The following OPALIN variants were observed in gnomAD, a reference collection of about 807,000 sequenced individuals.
OPALIN encodes the protein transmembrane protein 10.
OPALIN carries 15 observed loss-of-function variants against 17.8 expected under a neutral mutation model. The observed-to-expected ratio is 0.84, with a 90% CI of 0.56 to 1.29. OPALIN has a LOEUF of 1.29. OPALIN is among the 50% of genes most tolerant of loss of function. The probability of loss-of-function intolerance (pLI) is 0.00; values close to 1 mark genes in which losing one functional copy is unlikely to be tolerated. For missense variants in OPALIN, 170 were observed against 176.0 expected, an observed-to-expected ratio of 0.97 and a Z score of 0.19; for synonymous variants, 62 against 63.8, an observed-to-expected ratio of 0.97 and a Z score of 0.14.
chr10:96,346,203 C>T, intron 5 of OPALIN, 86 bp from the exon 6 acceptor site: 2 of 1,265,668 alleles, frequency 1.6e-6, no homozygotes, highest in Non-Finnish European at 2.2e-6. Context: ...ATTGACCCTC[C>T]CACCTGAAAT....
rs925629797 is a variant in OPALIN, at chr10:96,348,203, T to G, written c.249+86A>C. ...ATCTCTTTTCTACATGTGCTCATAC[T>G]GTGCTTCTTTTGGTGAAAGGCTTTC... On this transcript the variant is annotated intron_variant, in intron 5 of 5. Coordinates refer to ENST00000371172, the MANE Select transcript of OPALIN (RefSeq NM_033207.5). 1.6e-5 allele frequency: 10 copies of G among 634,468 alleles called. No homozygotes were observed. The East Asian group carries it at 2.6e-4, about 16-fold the overall frequency. 39.3% of individuals were successfully genotyped at this position (634,468 alleles called of 1,614,324 possible). A position where few individuals can be genotyped will look rare whatever the true frequency, so the allele number is the denominator to read the frequency against.
rs545818419 is a variant in OPALIN at position 96,348,900 on chromosome 10, C to T, written c.193-555G>A. 2.0e-4 allele frequency among the ~76,000 whole-genome samples: 30 copies of T among 152,250 alleles called. No individual in the cohort carries two copies. In the South Asian group the frequency reaches 6.2e-3, roughly 32 times the overall value. ...TGTAAAAATGTTCATCATCCATTATCTCATTTCATCCTTATAACTTTCCCT... is the reference window on the plus strand; with the variant it reads ...TGTAAAAATGTTCATCATCCATTATTTCATTTCATCCTTATAACTTTCCCT... On this transcript the variant is annotated intron_variant, in intron 4 of 5. Coordinates refer to ENST00000371172, the MANE Select transcript of OPALIN (RefSeq NM_033207.5).
intron 2 of OPALIN, among the ~76,000 whole-genome samples, chr10:96,353,174 C>A (rs112201712): frequency 1.3e-5 from 2 of 152,352 alleles, no homozygotes; most frequent in Non-Finnish European, 2.9e-5. Context: ...CACTGTGCTA[C>A]ATGGCCTCCA....
intron 1 of OPALIN, chr10:96,357,251 G>C: frequency 1.5e-6 from 1 of 670,442 alleles, no homozygotes; most frequent in Non-Finnish European, 1.8e-6. Context: ...GAGGACAGTA[G>C]AAGAGGGGGT....
chr10:96,356,606 C>A (rs1335101139), intron 1 of OPALIN, among the ~76,000 whole-genome samples: 1 of 152,180 alleles, frequency 6.6e-6, no homozygotes, highest in Non-Finnish European at 1.5e-5. Flanking sequence ...AGCAAACTGA[C>A]AAAACACCTA....
chr10:96,356,987 C>G (rs1271754493), intron 1 of OPALIN: 2 of 985,376 alleles, frequency 2.0e-6, no homozygotes, highest in Non-Finnish European at 1.2e-6. Flanking sequence ...GTGGATGAAT[C>G]AGAGCACCCA....
At chr10:96,349,879 T>C in intron 3 of OPALIN, 53 bp from the exon 4 acceptor site, 2 of 1,512,712 alleles carry the variant, frequency 1.3e-6, no homozygotes, top group Non-Finnish European at 1.8e-6. Context: ...TCTTCAATAA[T>C]AAAGGAAAAA....
At position 96,343,791 on chromosome 10, in the gene OPALIN, T is replaced by C. The variant is rs1327012899; in HGVS notation, c.*2150A>G. On this transcript the variant is annotated 3_prime_UTR_variant, in exon 6 of 6. Transcript: ENST00000371172. ...TGGCAGAGATTGGGTTCATAGAACA[T>C]GTTCTTGGTTATTCAGGGAAGAGGG... 1 of 152,204 alleles carries C rather than the reference T, an allele frequency of 6.6e-6. No homozygotes were observed. Among genetic ancestry groups the C allele is most frequent in the East Asian group, 1.9e-4 (1 of 5,192 alleles). 9.4% of individuals were successfully genotyped at this position (152,204 alleles called of 1,614,324 possible).
chr10:96,355,593 G>A (rs1845787285), intron 1 of OPALIN, among the ~76,000 whole-genome samples: 1 of 152,220 alleles, frequency 6.6e-6, no homozygotes, highest in Non-Finnish European at 1.5e-5. Context: ...CACAAGGGCA[G>A]CAAACACATG....
At chr10:96,358,196 A>G (rs1390337863) in intron 1 of OPALIN, among the ~76,000 whole-genome samples, 2 of 136,956 alleles carry the variant, frequency 1.5e-5, no homozygotes, top group Non-Finnish European at 3.0e-5. Context: ...TAAAAAAAAA[A>G]AAAAAAAAAA....
chr10:96,351,661 C>T (rs1292857423), intron 2 of OPALIN, among the ~76,000 whole-genome samples: 1 of 152,116 alleles, frequency 6.6e-6, no homozygotes, highest in Non-Finnish European at 1.5e-5. Context: ...GTGGATGTAC[C>T]GTGACACATT....
At chr10:96,358,824 A>T in intron 1 of OPALIN, 70 bp downstream of exon 1, 3 of 1,498,200 alleles carry the variant, frequency 2.0e-6, no homozygotes, top group Non-Finnish European at 2.8e-6. Flanking sequence ...TGTACATTTA[A>T]TTGAATTTGG....
chr10:96,353,327 G>A (rs1845661978), intron 2 of OPALIN: 1 of 1,558,832 alleles, frequency 6.4e-7, no homozygotes, highest in South Asian at 1.2e-5. Context: ...CCCGCAGAGA[G>A]GGATCCAGGT....
At chr10:96,347,861 T>C (rs1845405387) in intron 5 of OPALIN, among the ~76,000 whole-genome samples, 1 of 152,234 alleles carries the variant, frequency 6.6e-6, no homozygotes, top group African/African-American at 2.4e-5. Context: ...AAGATCCTTG[T>C]TTTATTTCTG....
At chr10:96,358,251 T>C (rs1269696652) in intron 1 of OPALIN, among the ~76,000 whole-genome samples, 1 of 149,070 alleles carries the variant, frequency 6.7e-6, no homozygotes, top group East Asian at 2.1e-4. Context: ...AATATTCTTC[T>C]TTTTGTGTCT....
intron 2 of OPALIN, chr10:96,353,621 G>A (rs1217051198): frequency 6.5e-6 from 1 of 154,522 alleles, no homozygotes. Flanking sequence ...GGCCACATAA[G>A]GGCTCTCTTC....
chr10:96,358,186 T>TAAAAAAAAAAAAAAAAA (rs61616596), intron 1 of OPALIN, among the ~76,000 whole-genome samples: 18 of 61,576 alleles, frequency 2.9e-4, no homozygotes, highest in African/African-American at 7.7e-4. Context: ...ATGCTTTTTG[T>TAAAAAAAAAAAAAAAAA]AAAAAAAAAA....
At position 96,344,289 on chromosome 10, in the gene OPALIN, C is replaced by G. The variant is rs139646724; in HGVS notation, c.*1652G>C. 1 of 152,206 alleles carries G rather than the reference C, an allele frequency of 6.6e-6. No homozygotes were observed. The highest frequency in any genetic ancestry group is 2.4e-5 in the African/African-American group (1 of 41,416). The allele number at this position is 152,206 out of a possible 1,614,324, so 9.4% of individuals were successfully genotyped here. A position where few individuals can be genotyped will look rare whatever the true frequency, so the allele number is the denominator to read the frequency against. ...AACACACACACAGTCCGTCGCAGAA[C>G]TGCCCTCCTTAAATACTCTCTGATT... On this transcript the variant is annotated 3_prime_UTR_variant, in exon 6 of 6. Transcript: ENST00000371172.
chr10:96,345,219 A>G lies in OPALIN; in HGVS notation c.*722T>C, dbSNP rs956074315. The stretch of plus-strand genomic sequence containing the variant: ...GAGAGAACTAACATTTTGACTGGCA[A>G]CTAAGTAGCAGACACTTCCCTTTAT... On this transcript the variant is annotated 3_prime_UTR_variant, in exon 6 of 6. Coordinates refer to ENST00000371172, the MANE Select transcript of OPALIN (RefSeq NM_033207.5). 3 of 152,234 alleles carry G rather than the reference A, an allele frequency of 2.0e-5. No individual in the cohort carries two copies. The highest frequency in any genetic ancestry group is 7.2e-5 in the African/African-American group (3 of 41,450). 9.4% of individuals were successfully genotyped at this position (152,234 alleles called of 1,614,324 possible). A position where few individuals can be genotyped will look rare whatever the true frequency, so the allele number is the denominator to read the frequency against.
Sources: allele counts gnomAD v4.1 joint callset (sites outside exome capture counted in the v4.1 genomes callset), GRCh38; gene constraint gnomAD v4.1.1; transcripts MANE v1.5; gene names NCBI Gene and HGNC (gene_info 2026-07-23, HGNC 2026-07-21).